PLEKHA5: variants seen among roughly 807,000 people sequenced by gnomAD.
PLEKHA5 encodes the protein pleckstrin homology domain containing A5.
In PLEKHA5, 55 loss-of-function variants were observed where a neutral mutation model predicts 181.9. That is an observed-to-expected ratio of 0.30 (90% CI 0.24 to 0.38). PLEKHA5 has a LOEUF of 0.38. Ranked by LOEUF, PLEKHA5 falls within the 10% of genes least tolerant of loss-of-function variation. The pLI, the probability that PLEKHA5 is intolerant of heterozygous loss-of-function variation, is 1.00. For synonymous variants in PLEKHA5, 535 were observed against 529.4 expected (o/e 1.01, Z -0.15); for missense variants, 1,432 against 1,549.5 (o/e 0.92, Z 1.27).
chr12:19,276,423 G>A lies in PLEKHA5; in HGVS notation c.1313+1440G>A, dbSNP rs556780598. Among the ~76,000 whole-genome samples the A allele has an allele frequency of 1.1e-4, 16 of 152,278 alleles. No homozygotes were observed. The South Asian group carries it at 3.3e-3, about 32-fold the overall frequency. ...ATTAAGTTTGGTGCCGGGCAAGGTG[G>A]CTTGAGTCTGTAATCCCAGCACTTC... On this transcript the variant is annotated intron_variant, in intron 11 of 31. Coordinates refer to ENST00000429027, the MANE Select transcript of PLEKHA5 (RefSeq NM_001256470.2).
chr12:19,257,784 A>G (rs1366075131), intron 6 of PLEKHA5, among the ~76,000 whole-genome samples: 1 of 152,196 alleles, frequency 6.6e-6, no homozygotes, highest in African/African-American at 2.4e-5. Flanking sequence ...TTAAAATTAA[A>G]TATATGCTGT....
At chr12:19,326,473 T>C (rs988248820) in intron 20 of PLEKHA5, among the ~76,000 whole-genome samples, 2 of 152,216 alleles carry the variant, frequency 1.3e-5, no homozygotes, top group Admixed American at 6.5e-5. Context: ...ATCAAAGCTG[T>C]GATTCTGAAA....
intron 18 of PLEKHA5, among the ~76,000 whole-genome samples, chr12:19,321,180 G>T: frequency 6.7e-6 from 1 of 150,046 alleles, no homozygotes; most frequent in East Asian, 2.0e-4. Flanking sequence ...AAAAAAAAAA[G>T]TTATGGAAGA....
intron 3 of PLEKHA5, among the ~76,000 whole-genome samples, chr12:19,230,848 G>T (rs1479056142): frequency 6.6e-6 from 1 of 152,206 alleles, no homozygotes; most frequent in East Asian, 1.9e-4. Context: ...CGGCCAGAGT[G>T]GGCGCCGAGG....
intron 20 of PLEKHA5, 35 bp from the exon 21 acceptor site, chr12:19,336,480 T>TC (rs777156366): frequency 1.7e-5 from 18 of 1,075,970 alleles, no homozygotes; most frequent in South Asian, 2.6e-5. Flanking sequence ...AAGCACATTT[T>TC]CCCCATTAAA....
At chr12:19,192,750 A>G (rs1339035840) in intron 3 of PLEKHA5, among the ~76,000 whole-genome samples, 1 of 152,200 alleles carries the variant, frequency 6.6e-6, no homozygotes, top group Non-Finnish European at 1.5e-5. Flanking sequence ...TAAAATTAGT[A>G]AACCTAATCA....
At chr12:19,346,640 A>G (rs1172681343) in intron 23 of PLEKHA5, among the ~76,000 whole-genome samples, 4 of 152,158 alleles carry the variant, frequency 2.6e-5, no homozygotes, top group Non-Finnish European at 4.4e-5. Context: ...AAATAAATAA[A>G]TAAGATAAAT....
intron 11 of PLEKHA5, among the ~76,000 whole-genome samples, chr12:19,275,773 A>T (rs1224032232): frequency 6.6e-6 from 1 of 152,174 alleles, no homozygotes; most frequent in African/African-American, 2.4e-5. Flanking sequence ...ACTCTAAAAA[A>T]AAAAATGTAA....
intron 8 of PLEKHA5, among the ~76,000 whole-genome samples, chr12:19,267,780 A>G (rs1231515743): frequency 1.3e-5 from 2 of 151,958 alleles, no homozygotes; most frequent in African/African-American, 2.4e-5. Context: ...CTTGACCAAC[A>G]TGGAAAAACC....
chr12:19,352,573 A>G (rs935683599), intron 25 of PLEKHA5, among the ~76,000 whole-genome samples: 8 of 135,086 alleles, frequency 5.9e-5, no homozygotes, highest in Admixed American at 4.3e-4. Flanking sequence ...TATGACAAAG[A>G]AGGCTTTTTT....
intron 3 of PLEKHA5, among the ~76,000 whole-genome samples, chr12:19,174,610 T>C (rs887223910): frequency 1.3e-5 from 2 of 152,156 alleles, no homozygotes; most frequent in African/African-American, 4.8e-5. Context: ...CTGCCCAACT[T>C]TTTCATTTTA....
chr12:19,353,497 T>C (rs556638430), intron 25 of PLEKHA5, among the ~76,000 whole-genome samples: 2 of 151,432 alleles, frequency 1.3e-5, no homozygotes, highest in Admixed American at 6.6e-5. Flanking sequence ...TTTCGTTCTT[T>C]GTTGCCCACG....
chr12:19,139,236 A>G (rs1423143042), intron 3 of PLEKHA5, among the ~76,000 whole-genome samples: 1 of 152,200 alleles, frequency 6.6e-6, no homozygotes, highest in African/African-American at 2.4e-5. Flanking sequence ...TACAAGAATG[A>G]TGATGAGACC....
At chr12:19,179,797 C>A (rs2048138881) in intron 3 of PLEKHA5, among the ~76,000 whole-genome samples, 1 of 151,968 alleles carries the variant, frequency 6.6e-6, no homozygotes, top group African/African-American at 2.4e-5. Context: ...TGAAAGTTAG[C>A]CTCTCATTTG....
At chr12:19,205,536 T>C (rs150246173) in intron 3 of PLEKHA5, 1 of 200,672 alleles carries the variant, frequency 5.0e-6, no homozygotes, top group East Asian at 1.9e-4. Context: ...TGCTTTTTTG[T>C]ACTGTGCTGA....
intron 3 of PLEKHA5, among the ~76,000 whole-genome samples, chr12:19,226,421 T>C (rs1037647257): frequency 6.6e-6 from 1 of 152,212 alleles, no homozygotes; most frequent in African/African-American, 2.4e-5. Flanking sequence ...AGTATTTGTT[T>C]GAATACCTGT....
At chr12:19,207,576 A>G (rs925703030) in intron 3 of PLEKHA5, 6 of 152,206 alleles carry the variant, frequency 3.9e-5, no homozygotes, top group Non-Finnish European at 8.8e-5. Flanking sequence ...TGGTAGATGA[A>G]AATGGGTTTT....
chr12:19,331,782 G>A (rs2092864343), intron 20 of PLEKHA5, among the ~76,000 whole-genome samples: 1 of 152,080 alleles, frequency 6.6e-6, no homozygotes, highest in South Asian at 2.1e-4. Context: ...CAGCACTTTG[G>A]GAGGCTGAGG....
intron 3 of PLEKHA5, among the ~76,000 whole-genome samples, chr12:19,160,532 G>GT (rs2042734003): frequency 6.6e-6 from 1 of 152,072 alleles, no homozygotes; most frequent in Non-Finnish European, 1.5e-5. Context: ...CACTGTATAT[G>GT]TAACTATTGA....
Sources: gnomAD v4.1 joint callset for allele counts (sites outside exome capture counted in the v4.1 genomes callset) on GRCh38, gnomAD v4.1.1 for gene constraint, MANE v1.5 for transcripts, NCBI Gene and HGNC (gene_info 2026-07-23, HGNC 2026-07-21) for gene names.